LSAMP: variants seen among roughly 807,000 people sequenced by gnomAD.
The protein encoded by LSAMP is limbic system associated membrane protein, also known as limbic system-associated membrane protein.
LSAMP carries 7 observed loss-of-function variants against 38.6 expected under a neutral mutation model. That is an observed-to-expected ratio of 0.18 (90% CI 0.10 to 0.34). The LOEUF is 0.34. Among genes scored for constraint, LSAMP ranks in the 10% least tolerant of loss-of-function variants. The pLI is 1.00. For synonymous variants in LSAMP, 154 were observed against 166.8 expected (o/e 0.92, Z 0.59); for missense variants, 313 against 420.0 (o/e 0.75, Z 2.23).
At chr3:115,972,516 A>G (rs1939050813) in intron 3 of LSAMP, among the ~76,000 whole-genome samples, 1 of 151,762 alleles carries the variant, frequency 6.6e-6, no homozygotes, top group Non-Finnish European at 1.5e-5. Context: ...CCCACAAAGT[A>G]TTTCCATTTT....
intron 3 of LSAMP, among the ~76,000 whole-genome samples, chr3:115,929,032 A>G (rs1937536665): frequency 7.1e-6 from 1 of 140,538 alleles, no homozygotes; most frequent in Non-Finnish European, 1.5e-5. Flanking sequence ...TAGCTGTAAT[A>G]ATATTCTATG....
intron 3 of LSAMP, among the ~76,000 whole-genome samples, chr3:115,955,028 C>T (rs932543825): frequency 2.0e-5 from 3 of 151,674 alleles, no homozygotes; most frequent in East Asian, 1.9e-4. Context: ...GATCTCGGCT[C>T]ACTGCAAGCT....
At chr3:115,916,312 A>G (rs1937250066) in intron 3 of LSAMP, among the ~76,000 whole-genome samples, 1 of 152,188 alleles carries the variant, frequency 6.6e-6, no homozygotes, top group Non-Finnish European at 1.5e-5. Flanking sequence ...ATAAAAACAG[A>G]CAGATGTTTA....
intron 3 of LSAMP, among the ~76,000 whole-genome samples, chr3:115,979,911 G>A (rs1939308443): frequency 6.6e-6 from 1 of 152,050 alleles, no homozygotes; most frequent in African/African-American, 2.4e-5. Flanking sequence ...ACTTTAGTGA[G>A]GCTTATAATT....
At chr3:115,860,795 C>A (rs1246885707) in intron 3 of LSAMP, among the ~76,000 whole-genome samples, 7 of 152,066 alleles carry the variant, frequency 4.6e-5, no homozygotes, top group African/African-American at 1.7e-4. Flanking sequence ...TTTTCAGGAA[C>A]TTAAGAAATG....
At chr3:116,301,859 A>T (rs2047413780) in intron 1 of LSAMP, among the ~76,000 whole-genome samples, 1 of 152,210 alleles carries the variant, frequency 6.6e-6, no homozygotes, top group Non-Finnish European at 1.5e-5. Context: ...AGAACTGGCA[A>T]TCTAATCTTA....
intron 3 of LSAMP, among the ~76,000 whole-genome samples, chr3:115,974,936 G>A (rs1939137480): frequency 6.6e-6 from 1 of 152,068 alleles, no homozygotes; most frequent in African/African-American, 2.4e-5. Flanking sequence ...GGCCAAGAGG[G>A]GATCTGTTCA....
intron 1 of LSAMP, among the ~76,000 whole-genome samples, chr3:116,307,052 C>T (rs1559822121): frequency 1.3e-5 from 2 of 151,922 alleles, no homozygotes; most frequent in South Asian, 2.1e-4. Flanking sequence ...AAAATGGATG[C>T]CATCACTAAG....
At chr3:115,949,762 C>G (rs1466981307) in intron 3 of LSAMP, among the ~76,000 whole-genome samples, 1 of 151,572 alleles carries the variant, frequency 6.6e-6, no homozygotes, top group Non-Finnish European at 1.5e-5. Flanking sequence ...AATACTAAAA[C>G]CAGGAAAGGA....
intron 1 of LSAMP, among the ~76,000 whole-genome samples, chr3:116,194,867 A>G (rs1710847188): frequency 6.6e-6 from 1 of 152,234 alleles, no homozygotes; most frequent in South Asian, 2.1e-4. Context: ...AAAACAAAGT[A>G]GATTTGGGGA....
intron 1 of LSAMP, among the ~76,000 whole-genome samples, chr3:116,124,237 T>A (rs1708955399): frequency 6.6e-6 from 1 of 152,104 alleles, no homozygotes; most frequent in Admixed American, 6.5e-5. Flanking sequence ...TTGTAAAAAT[T>A]TTTTCCATTG....
At chr3:116,147,971 T>A (rs973063037) in intron 1 of LSAMP, among the ~76,000 whole-genome samples, 3 of 150,268 alleles carry the variant, frequency 2.0e-5, no homozygotes, top group Admixed American at 1.3e-4. Context: ...TATATACAAT[T>A]TTTTTGTCCT....
At chr3:116,107,854 T>G (rs1018266578) in intron 1 of LSAMP, among the ~76,000 whole-genome samples, 1 of 151,846 alleles carries the variant, frequency 6.6e-6, no homozygotes, top group Non-Finnish European at 1.5e-5. Flanking sequence ...GATAGGAGAG[T>G]ATATGGGTTT....
chr3:115,930,276 T>C (rs1002697987), intron 3 of LSAMP, among the ~76,000 whole-genome samples: 3 of 152,070 alleles, frequency 2.0e-5, no homozygotes, highest in African/African-American at 7.2e-5. Flanking sequence ...TTTTAACCTG[T>C]AGATCCACGG....
chr3:116,117,632 G>A (rs1479335331), intron 1 of LSAMP, among the ~76,000 whole-genome samples: 1 of 152,076 alleles, frequency 6.6e-6, no homozygotes, highest in Non-Finnish European at 1.5e-5. Context: ...TAGCTTCTCA[G>A]TCTTTTTATG....
chr3:115,989,738 T>G (rs1000228976), intron 3 of LSAMP, among the ~76,000 whole-genome samples: 1 of 152,082 alleles, frequency 6.6e-6, no homozygotes, highest in Admixed American at 6.6e-5. Flanking sequence ...CCGGAATTAT[T>G]GTCCTCAATT....
intron 3 of LSAMP, among the ~76,000 whole-genome samples, chr3:115,997,141 G>T (rs1322198960): frequency 2.6e-5 from 4 of 152,128 alleles, no homozygotes; most frequent in Admixed American, 2.0e-4. Context: ...AATACATCTG[G>T]AATGGGGCTA....
chr3:116,166,635 C>T (rs542559990), intron 1 of LSAMP, among the ~76,000 whole-genome samples: 1 of 151,962 alleles, frequency 6.6e-6, no homozygotes, highest in South Asian at 2.1e-4. Context: ...TTGCATTGGA[C>T]CATAGGCTTC....
At chr3:116,197,163 A>ACACACACACACACTCTCTCTCTCT (rs1268040540) in intron 1 of LSAMP, among the ~76,000 whole-genome samples, 12 of 139,204 alleles carry the variant, frequency 8.6e-5, no homozygotes, top group African/African-American at 2.6e-4. Context: ...ACACACACAC[A>ACACACACACACACTCTCTCTCTCT]CTCTCTCTCT....
Sources: allele counts gnomAD v4.1 joint callset (sites outside exome capture counted in the v4.1 genomes callset), GRCh38; gene constraint gnomAD v4.1.1; transcripts MANE v1.5; gene names NCBI Gene and HGNC (gene_info 2026-07-23, HGNC 2026-07-21).